The following FRMD4A variants were observed in gnomAD, a reference collection of about 807,000 sequenced individuals.
FRMD4A encodes the protein FERM domain containing 4A.
Under a neutral mutation model 129.1 loss-of-function variants are expected in FRMD4A, and 29 were observed. That is an observed-to-expected ratio of 0.22 (90% CI 0.17 to 0.31). The LOEUF (loss-of-function observed/expected upper bound fraction) is 0.31, where lower values mean the gene tolerates loss of function less well. Ranked by LOEUF, FRMD4A falls within the 10% of genes least tolerant of loss-of-function variation. The pLI, the probability that FRMD4A is intolerant of heterozygous loss-of-function variation, is 1.00. For synonymous variants in FRMD4A, 634 were observed against 571.6 expected (o/e 1.11, Z -1.56); for missense variants, 1,272 against 1,375.8 (o/e 0.92, Z 1.19).
intron 5 of FRMD4A, among the ~76,000 whole-genome samples, chr10:13,787,488 G>A (rs1470255019): frequency 6.6e-6 from 1 of 152,064 alleles, no homozygotes; most frequent in African/African-American, 2.4e-5. Flanking sequence ...TTGAGATGGG[G>A]TCTTGCTCTG....
At chr10:13,649,101 A>G (rs1269572677) in intron 24 of FRMD4A, 2 of 152,220 alleles carry the variant, frequency 1.3e-5, no homozygotes, top group African/African-American at 4.8e-5. Flanking sequence ...AAATACTCTT[A>G]AATGGGCTAA....
At chr10:14,011,840 C>T (rs1565182830) in intron 2 of FRMD4A, among the ~76,000 whole-genome samples, 1 of 152,042 alleles carries the variant, frequency 6.6e-6, no homozygotes, top group Admixed American at 6.5e-5. Context: ...GAAACCCCGT[C>T]TCTACTAAGA....
At chr10:13,707,390 C>G (rs2087569866) in intron 12 of FRMD4A, 2 of 1,129,222 alleles carry the variant, frequency 1.8e-6, no homozygotes. Context: ...TTCGGTCGGC[C>G]TTTGTTGGTT....
intron 2 of FRMD4A, among the ~76,000 whole-genome samples, chr10:14,286,640 G>A (rs1227911875): frequency 1.3e-5 from 2 of 152,170 alleles, no homozygotes; most frequent in African/African-American, 2.4e-5. Context: ...GAGTCCTGGT[G>A]TACACCTGTC....
Position 13,651,901 on chromosome 10 carries a change from A to T in FRMD4A, c.*2+2T>A. 1 of 1,501,162 alleles carries T rather than the reference A, an allele frequency of 6.7e-7. No individual in the cohort carries two copies. Among genetic ancestry groups the T allele is most frequent in the Non-Finnish European group, 9.3e-7 (1 of 1,076,502 alleles). 93.0% of individuals were successfully genotyped at this position (1,501,162 alleles called of 1,614,324 possible). A position where few individuals can be genotyped will look rare whatever the true frequency, so the allele number is the denominator to read the frequency against. ...GTAGGAACAAAACTCCCCTTACGGT[A>T]CCTCTATTCATCAGTACTTTGGTGA... On this transcript the variant is annotated splice_donor_variant, in intron 24 of 24. Coordinates refer to ENST00000357447, the MANE Select transcript of FRMD4A (RefSeq NM_018027.5). LOFTEE classifies it low-confidence loss of function (3UTR_SPLICE).
At chr10:14,071,026 G>C (rs993172706) in intron 2 of FRMD4A, among the ~76,000 whole-genome samples, 3 of 152,214 alleles carry the variant, frequency 2.0e-5, no homozygotes, top group Non-Finnish European at 2.9e-5. Context: ...TCTGGAAAAA[G>C]GCTTAGACAG....
At chr10:14,220,017 G>C (rs1310455081) in intron 2 of FRMD4A, among the ~76,000 whole-genome samples, 2 of 152,162 alleles carry the variant, frequency 1.3e-5, no homozygotes, top group African/African-American at 2.4e-5. Flanking sequence ...TCTGTGAAGT[G>C]ACGAAGCAGT....
At position 13,645,887 on chromosome 10, in the gene FRMD4A, C is replaced by G. The variant is rs914376860; in HGVS notation, c.*1151G>C. The G allele has an allele frequency of 1.3e-5, 2 of 152,528 alleles. No homozygotes were observed. The highest frequency in any genetic ancestry group is 2.4e-5 in the African/African-American group (1 of 41,414). The allele number at this position is 152,528 out of a possible 1,614,324, so 9.4% of individuals were successfully genotyped here. ...TCCCATAAAAACGAAAATGAAACAC[C>G]TTGTGCAAAAAAATAGGATACGCTT... On this transcript the variant is annotated 3_prime_UTR_variant, in exon 25 of 25. Coordinates refer to ENST00000357447, the MANE Select transcript of FRMD4A (RefSeq NM_018027.5).
intron 2 of FRMD4A, among the ~76,000 whole-genome samples, chr10:14,112,080 A>C (rs143536298): frequency 6.6e-6 from 1 of 152,244 alleles, no homozygotes; most frequent in Non-Finnish European, 1.5e-5. Context: ...GAATAGAGTG[A>C]GCAAATGCTT....
chr10:13,657,111 G>C lies in FRMD4A; in HGVS notation c.2478C>G (p.Ser826Arg), dbSNP rs747250447. 1.9e-6 allele frequency: 3 copies of C among 1,559,946 alleles called. No individual in the cohort carries two copies. The Admixed American group carries it at 5.4e-5, about 28-fold the overall frequency. Residue 826 changes from serine to arginine, a missense_variant, in exon 22 of 25, where the codon AGC becomes AGG. Ser to Arg is a moderately radical substitution (Grantham distance 110). This residue lies in a region of FRMD4A where 972 missense variants were observed against 892.3 expected (regional missense o/e 1.09). Coordinates refer to ENST00000357447, the MANE Select transcript of FRMD4A (RefSeq NM_018027.5). Reference sequence around the variant, plus strand: ...TGATGCGGTACTGCGAGCTGGGCTGGCTCTGGCTGTGCAGGTACACACCGC... The same window carrying C: ...TGATGCGGTACTGCGAGCTGGGCTGCCTCTGGCTGTGCAGGTACACACCGC... The part of the protein sequence containing the change: ...AGGGVYLHSQ[S>R]QPSSQYRIKE...
rs140639454 is a variant in FRMD4A, at chr10:13,963,099, A to G, written c.46-104187T>C. Among the ~76,000 whole-genome samples, 241 of 152,338 alleles carry G rather than the reference A, an allele frequency of 1.6e-3. 1 individual carries two copies. The highest frequency in any genetic ancestry group is 5.6e-3 in the African/African-American group (233 of 41,562). On this transcript the variant is annotated intron_variant, in intron 2 of 24. Coordinates refer to ENST00000357447, the MANE Select transcript of FRMD4A (RefSeq NM_018027.5). ...ATTTAAGAAAGTACTGTTGCAAACGACAGGGTGAGTGAAATGGAAGCACAC... is the reference window on the plus strand; with the variant it reads ...ATTTAAGAAAGTACTGTTGCAAACGGCAGGGTGAGTGAAATGGAAGCACAC...
intron 13 of FRMD4A, 104 bp from the exon 14 acceptor site, chr10:13,701,582 G>A: frequency 9.8e-7 from 1 of 1,019,060 alleles, no homozygotes; most frequent in Non-Finnish European, 1.5e-6. Flanking sequence ...AGAAGCCCTG[G>A]CGTAAAGATG....
At chr10:14,118,577 G>A (rs7073058) in intron 2 of FRMD4A, among the ~76,000 whole-genome samples, 26,833 of 152,108 alleles carry the variant, frequency 0.18, 2,374 homozygotes, top group Non-Finnish European at 0.2. Flanking sequence ...GGTAATTTAT[G>A]AAGAAAAGAG....
intron 6 of FRMD4A, among the ~76,000 whole-genome samples, chr10:13,779,140 A>G (rs2092676126): frequency 6.6e-6 from 1 of 152,074 alleles, no homozygotes; most frequent in Non-Finnish European, 1.5e-5. Flanking sequence ...AACACGGTGA[A>G]ACCCCATCTC....
chr10:13,789,769 A>ATGTGTGTGTGTGTG (rs57602565), intron 5 of FRMD4A, among the ~76,000 whole-genome samples: 1,472 of 130,120 alleles, frequency 0.011, 15 homozygotes, highest in Middle Eastern at 0.024. Flanking sequence ...GCTGCTTATA[A>ATGTGTGTGTGTGTG]TGTGTGTGTG....
At chr10:14,007,920 A>G (rs2095667749) in intron 2 of FRMD4A, 1 of 984,114 alleles carries the variant, frequency 1.0e-6, no homozygotes, top group South Asian at 2.3e-5. Flanking sequence ...AAAATTACAG[A>G]TGAGATAGTA....
At chr10:13,893,195 C>A (rs905101422) in intron 2 of FRMD4A, among the ~76,000 whole-genome samples, 2 of 152,068 alleles carry the variant, frequency 1.3e-5, no homozygotes, top group Non-Finnish European at 2.9e-5. Context: ...CCCCACCACA[C>A]GCTGCTAATT....
At chr10:14,089,181 G>A (rs1836484801) in intron 2 of FRMD4A, among the ~76,000 whole-genome samples, 1 of 152,190 alleles carries the variant, frequency 6.6e-6, no homozygotes, top group South Asian at 2.1e-4. Context: ...CCCAGCTAAT[G>A]TTACCAAAGC....
chr10:14,170,150 T>C (rs981778888), intron 2 of FRMD4A, among the ~76,000 whole-genome samples: 4 of 152,214 alleles, frequency 2.6e-5, no homozygotes, highest in Non-Finnish European at 4.4e-5. Context: ...TATTTTATTC[T>C]TCCTTTTGAT....
Sources: gnomAD v4.1 joint callset for allele counts (sites outside exome capture counted in the v4.1 genomes callset) on GRCh38, gnomAD v4.1.1 for gene constraint, gnomAD v4.1.1 regional missense constraint, MANE v1.5 for transcripts, NCBI Gene and HGNC (gene_info 2026-07-23, HGNC 2026-07-21) for gene names.